The following MECR variants were observed in gnomAD, a reference collection of about 807,000 sequenced individuals.
MECR encodes the protein enoyl-[acyl-carrier-protein] reductase, mitochondrial.
Under a neutral mutation model 49.1 loss-of-function variants are expected in MECR, and 37 were observed. The observed-to-expected ratio is 0.75, with a 90% confidence interval of 0.58 to 0.99. MECR has a LOEUF of 0.99. Ranked by LOEUF, MECR falls within the 50% of genes least tolerant of loss-of-function variation. The pLI, the probability that MECR is intolerant of heterozygous loss-of-function variation, is 0.00. For synonymous variants in MECR, 198 were observed against 191.1 expected (o/e 1.04, Z -0.30); for missense variants, 470 against 479.6 (o/e 0.98, Z 0.19).
At chr1:29,200,665 G>T in intron 6 of MECR, 76 bp from the exon 7 acceptor site, 1 of 1,270,314 alleles carries the variant, frequency 7.9e-7, no homozygotes, top group Non-Finnish European at 1.1e-6. Context: ...CAAGTGCTGT[G>T]TTAAAAGGAG....
At chr1:29,185,451 C>T in the MECR span, among the ~76,000 whole-genome samples, 1 of 151,124 alleles carries the variant, frequency 6.6e-6, no homozygotes, top group Non-Finnish European at 1.5e-5. Flanking sequence ...GAGTTTAACT[C>T]GTTGCCCAGG....
intron 9 of MECR, 119 bp from the exon 10 acceptor site, chr1:29,194,298 C>T: frequency 1.1e-5 from 13 of 1,156,830 alleles, no homozygotes; most frequent in Non-Finnish European, 1.5e-5. Flanking sequence ...CTTGAGAGTC[C>T]TGGCTGTGCC....
chr1:29,200,558 C>G lies in MECR; in HGVS notation c.788G>C (p.Cys263Ser), dbSNP rs769426672. The G allele has an allele frequency of 6.2e-7, 1 of 1,613,806 alleles. No homozygotes were observed. The highest frequency in any genetic ancestry group is 8.5e-7 in the Non-Finnish European group (1 of 1,179,858). Reference sequence around the variant, plus strand: ...CTCTGTGGAGCTTTTCCCACCAACACAGTTGAGAGCAAGCCGTGGCTGGGG... The same window carrying G: ...CTCTGTGGAGCTTTTCCCACCAACAGAGTTGAGAGCAAGCCGTGGCTGGGG... ...DMPQPRLALN[C>S]VGGKSSTELL... Residue 263 changes from cysteine (C) to serine (S), a missense_variant, in exon 7 of 10, where the codon TGT becomes TCT. By Grantham distance (112) the Cys-to-Ser change is moderately radical. Transcript: ENST00000263702.
the MECR span, among the ~76,000 whole-genome samples, chr1:29,184,034 A>G: frequency 6.6e-6 from 1 of 151,472 alleles, no homozygotes; most frequent in Non-Finnish European, 1.5e-5. Flanking sequence ...ACCTGCCACC[A>G]CGCCCGGCTA....
chr1:29,223,162 A>G, intron 1 of MECR: 1 of 985,432 alleles, frequency 1.0e-6, no homozygotes, highest in Non-Finnish European at 1.2e-6. Context: ...CCGTGAATGT[A>G]ATGGCGCCAT....
At chr1:29,221,652 G>C (rs1377684876) in intron 1 of MECR, among the ~76,000 whole-genome samples, 1 of 152,190 alleles carries the variant, frequency 6.6e-6, no homozygotes, top group Non-Finnish European at 1.5e-5. Context: ...TTGGACAACT[G>C]AATGCTGAGC....
the MECR span, among the ~76,000 whole-genome samples, chr1:29,177,694 C>T: frequency 1.3e-5 from 2 of 152,064 alleles, no homozygotes; most frequent in Non-Finnish European, 2.9e-5. Context: ...TGGTCCCAAA[C>T]CATCTTTCAA....
At chr1:29,203,807 T>C (rs1425140419) in intron 4 of MECR, among the ~76,000 whole-genome samples, 1 of 152,268 alleles carries the variant, frequency 6.6e-6, no homozygotes, top group Non-Finnish European at 1.5e-5. Flanking sequence ...GGAAGGGTCA[T>C]GCCCTATTCC....
At chr1:29,181,539 C>T in the MECR span, 7 of 998,200 alleles carry the variant, frequency 7.0e-6, no homozygotes, top group Admixed American at 9.6e-5. Context: ...CTGGCCAGGC[C>T]GGTAGCCGCT....
chr1:29,210,793 T>C (rs562695746), intron 3 of MECR, among the ~76,000 whole-genome samples: 1 of 152,354 alleles, frequency 6.6e-6, no homozygotes, highest in African/African-American at 2.4e-5. Flanking sequence ...TTCACCTTTT[T>C]TGAGTTTCCA....
the MECR span, among the ~76,000 whole-genome samples, chr1:29,184,798 T>C: frequency 4.6e-5 from 7 of 151,810 alleles, no homozygotes; most frequent in South Asian, 2.1e-4. Context: ...TTTTTAGAGA[T>C]GGAGTCTCGT....
intron 1 of MECR, among the ~76,000 whole-genome samples, chr1:29,222,490 T>C (rs1471794340): frequency 2.0e-5 from 3 of 152,210 alleles, no homozygotes; most frequent in African/African-American, 7.2e-5. Flanking sequence ...ATAAAGGCTC[T>C]GAGAAGTCCC....
intron 7 of MECR, among the ~76,000 whole-genome samples, chr1:29,198,491 G>A (rs1674548216): frequency 6.6e-6 from 1 of 152,246 alleles, no homozygotes; most frequent in Non-Finnish European, 1.5e-5. Flanking sequence ...TTGGGATTGA[G>A]GTCTGCCGCA....
At chr1:29,209,335 G>A (rs1321649732) in intron 3 of MECR, among the ~76,000 whole-genome samples, 2 of 152,228 alleles carry the variant, frequency 1.3e-5, no homozygotes, top group Non-Finnish European at 2.9e-5. Flanking sequence ...CCTGTGGTAT[G>A]AGAACATGAC....
At chr1:29,186,568 G>A in the MECR span, among the ~76,000 whole-genome samples, 8 of 152,174 alleles carry the variant, frequency 5.3e-5, no homozygotes, top group African/African-American at 7.2e-5. Context: ...CATAAAGAGC[G>A]TTTAAAATAC....
intron 3 of MECR, among the ~76,000 whole-genome samples, chr1:29,214,433 C>G (rs1221618918): frequency 6.6e-6 from 1 of 150,820 alleles, no homozygotes; most frequent in Non-Finnish European, 1.5e-5. Flanking sequence ...ATGATCTCGG[C>G]TCACTGTAGC....
chr1:29,176,428 C>G, the MECR span, among the ~76,000 whole-genome samples: 4 of 149,802 alleles, frequency 2.7e-5, no homozygotes, highest in Non-Finnish European at 5.9e-5. Flanking sequence ...ATTAAGAATA[C>G]GGTAACGATG....
chr1:29,202,986 G>C lies in MECR; in HGVS notation c.653+145C>G, dbSNP rs575878153. The C allele has an allele frequency of 2.2e-3, 1,343 of 614,096 alleles. 6 individuals are homozygous for C. Among genetic ancestry groups the C allele is most frequent in the Middle Eastern group, 0.011 (24 of 2,268 alleles). 38.0% of individuals were successfully genotyped at this position (614,096 alleles called of 1,614,324 possible). On this transcript the variant is annotated intron_variant, in intron 5 of 9. Coordinates refer to ENST00000263702, the MANE Select transcript of MECR (RefSeq NM_016011.5). ...TTCATTTCTTAGGACTGACTCATCT[G>C]TTTCAGCCGCCAACTGTTAGCGATG...
chr1:29,180,331 T>G, the MECR span, among the ~76,000 whole-genome samples: 2 of 152,236 alleles, frequency 1.3e-5, no homozygotes, highest in Non-Finnish European at 2.9e-5. Flanking sequence ...CCTTAAGAAC[T>G]GAACGTTTTA....
Sources: allele counts gnomAD v4.1 joint callset (sites outside exome capture counted in the v4.1 genomes callset), GRCh38; gene constraint gnomAD v4.1.1; transcripts MANE v1.5; gene names NCBI Gene and HGNC (gene_info 2026-07-23, HGNC 2026-07-21).